Variants in DHX38 observed in about 807,000 individuals in gnomAD.
DHX38 encodes DEAH-box helicase 38, also known as pre-mRNA-splicing factor ATP-dependent RNA helicase PRP16.
A neutral mutation model predicts 153.1 loss-of-function variants in DHX38; 100 were observed. The observed-to-expected ratio is 0.65, with a 90% CI of 0.56 to 0.77. DHX38 has a LOEUF of 0.77. Among genes scored for constraint, DHX38 ranks in the 30% least tolerant of loss-of-function variants. The pLI is 0.00. For missense variants in DHX38, 1,440 were observed against 1,654.0 expected (o/e 0.87, Z 2.24); for synonymous variants, 650 against 631.7 (o/e 1.03, Z -0.43).
In DHX38 at chr16:72,105,383, G is replaced by A. The variant is rs540261725; in HGVS notation, c.2379+35G>A. On this transcript the variant is annotated intron_variant, in intron 17 of 26. Transcript: ENST00000268482. ...CAGGAATGTCCAGGAGTGGCTCTTG[G>A]AGTTCTCTAAAGGAAGCGAGAGGGG... 8.1e-6 allele frequency: 13 copies of A among 1,611,004 alleles called. No homozygotes were observed. In the South Asian group the frequency reaches 1.3e-4, roughly 16 times the overall value.
At position 72,098,731 on chromosome 16, in the gene DHX38, C is replaced by T; in HGVS notation, c.703C>T (p.Pro235Ser). ...SRRSQWESPSPTPSYRDSERS... is the reference protein window; with the variant it reads ...SRRSQWESPSSTPSYRDSERS... ...GCGCTCACAGTGGGAATCGCCCTCC[C>T]CGACGCCTTCCTATCGGGATTCTGA... Residue 235 changes from proline to serine, a missense_variant, in exon 5 of 27, where the codon CCG becomes TCG. Transcript: ENST00000268482. 1 of 1,614,184 alleles carries T rather than the reference C, an allele frequency of 6.2e-7. No homozygotes were observed. Among genetic ancestry groups the T allele is most frequent in the Non-Finnish European group, 8.5e-7 (1 of 1,180,034 alleles).
chr16:72,112,464 C>T lies in DHX38; in HGVS notation c.3651C>T (p.Thr1217=). The T allele has an allele frequency of 1.2e-6, 2 of 1,612,108 alleles. No homozygotes were observed. Among genetic ancestry groups the T allele is most frequent in the East Asian group, 2.2e-5 (1 of 44,876 alleles). The change falls in exon 27 of 27, where the codon ACC becomes ACT. Residue 1217 remains threonine (T), a synonymous_variant. Coordinates refer to ENST00000268482, the MANE Select transcript of DHX38 (RefSeq NM_014003.4). ...PGRKEQGEPM[T]PRRTPARFGL ...GGAAAGAGCAAGGGGAGCCCATGAC[C>T]CCTCGCCGCACGCCAGCCCGCTTTG...
chr16:72,106,165 T>A, intron 19 of DHX38, 48 bp downstream of exon 19: 1 of 1,585,272 alleles, frequency 6.3e-7, no homozygotes, highest in Non-Finnish European at 8.6e-7. Flanking sequence ...CTGGGGTTGC[T>A]GAGCGTGGAG....
At chr16:72,102,351 G>A (rs2042112982) in intron 11 of DHX38, among the ~76,000 whole-genome samples, 1 of 152,166 alleles carries the variant, frequency 6.6e-6, no homozygotes, top group Admixed American at 6.5e-5. Context: ...TTAGAAATAG[G>A]AAGCTCAGCA....
chr16:72,111,649 C>A (rs1271900228), intron 26 of DHX38, among the ~76,000 whole-genome samples: 5 of 152,202 alleles, frequency 3.3e-5, no homozygotes, highest in African/African-American at 1.2e-4. Flanking sequence ...ATGCATAGAG[C>A]AAGGTCTGGG....
intron 2 of DHX38, 70 bp downstream of exon 2, chr16:72,096,550 T>C: frequency 6.7e-7 from 1 of 1,483,662 alleles, no homozygotes; most frequent in Non-Finnish European, 8.9e-7. Context: ...CTCATGTTTA[T>C]CTCTCAGTTT....
chr16:72,098,829 TG>T (rs763219447), intron 5 of DHX38, 37 bp downstream of exon 5: 4 of 1,612,780 alleles, frequency 2.5e-6, no homozygotes, highest in Non-Finnish European at 3.4e-6. Context: ...TTTCGCTGGG[TG>T]GGCGGTAAGG....
At position 72,104,328 on chromosome 16, in the gene DHX38, C is replaced by G. The variant is rs2042142616; in HGVS notation, c.2011-158C>G. 2 of 1,214,522 alleles carry G rather than the reference C, an allele frequency of 1.6e-6. No individual in the cohort carries two copies. Among genetic ancestry groups the G allele is most frequent in the Non-Finnish European group, 2.2e-6 (2 of 889,378 alleles). The allele number at this position is 1,214,522 out of a possible 1,614,324, so 75.2% of individuals were successfully genotyped here. ...TGAGGGTGGCTTGGGGTTTTCTGGG[C>G]AGTGGCTCCATTGCTTCAGTCTTCA... On this transcript the variant is annotated intron_variant, in intron 14 of 26. Transcript: ENST00000268482. This position sits in a 1 kb window ranked among gnomAD's most constrained non-coding sequence, Gnocchi z 4.5.
At position 72,098,627 on chromosome 16, in the gene DHX38, G is replaced by A. The variant is rs1419347792; in HGVS notation, c.617-18G>A. 2 of 1,612,720 alleles carry A rather than the reference G, an allele frequency of 1.2e-6. No individual in the cohort carries two copies. Among genetic ancestry groups the A allele is most frequent in the Admixed American group, 3.3e-5 (2 of 59,956 alleles). The stretch of plus-strand genomic sequence containing the variant: ...GTTAAGTGAGATGTTTCCTGTGGAT[G>A]TGTCTTTTGTGGCCCAGATGCAGCC... On this transcript the variant is annotated intron_variant, in intron 4 of 26. Coordinates refer to ENST00000268482, the MANE Select transcript of DHX38 (RefSeq NM_014003.4).
At position 72,096,475 on chromosome 16, in the gene DHX38, A is replaced by T; in HGVS notation, c.318A>T (p.Lys106Asn). Reference protein sequence around the residue: ...GGDQAGQNIRKDRHYRSARVE... With the variant: ...GGDQAGQNIRNDRHYRSARVE... ...ACCAGGCTGGCCAAAATATCCGGAA[A>T]GACAGGTAAAGGCCTTAGTATGGGT... Residue 106 changes from lysine to asparagine, a missense_variant, in exon 2 of 27, where the codon AAA becomes AAT. Lys to Asn is a moderately conservative substitution (Grantham distance 94). Around this residue, in one of 6 missense-constraint regions of DHX38, gnomAD observed 483 missense variants for 465.1 expected, o/e 1.04. Coordinates refer to ENST00000268482, the MANE Select transcript of DHX38 (RefSeq NM_014003.4). The T allele has an allele frequency of 6.2e-7, 1 of 1,611,562 alleles. No individual in the cohort carries two copies. The highest frequency in any genetic ancestry group is 2.2e-5 in the East Asian group (1 of 44,868).
At chr16:72,108,131 A>G (rs1411030346) in intron 21 of DHX38, 96 bp from the exon 22 acceptor site, 11 of 1,372,940 alleles carry the variant, frequency 8.0e-6, no homozygotes, top group Admixed American at 2.1e-5. Flanking sequence ...TTGAAGTTCT[A>G]TGTGTGGGTA....
chr16:72,096,510 G>A (rs1207362057), intron 2 of DHX38, 30 bp downstream of exon 2: 1 of 1,568,834 alleles, frequency 6.4e-7, no homozygotes, highest in Non-Finnish European at 8.6e-7. Flanking sequence ...TTAGCCCAGA[G>A]GGAAGCGAAC....
chr16:72,105,320 C>A lies in DHX38; in HGVS notation c.2351C>A (p.Ser784Tyr). ...CTGCCCATCTACTCTCAGCTGCCTT[C>A]TGACCTCCAGGCCAAAATCTTCCAG... ...AVLPIYSQLP[S>Y]DLQAKIFQKA... is the part of the protein sequence containing the mutation. The change falls in exon 17 of 27, where the codon TCT becomes TAT. Residue 784 changes from serine (S) to tyrosine (Y), a missense_variant. By Grantham distance (144) the Ser-to-Tyr change is moderately radical. Coordinates refer to ENST00000268482, the MANE Select transcript of DHX38 (RefSeq NM_014003.4). 6.2e-7 allele frequency: 1 copy of A among 1,614,192 alleles called. No individual in the cohort carries two copies. Among genetic ancestry groups the A allele is most frequent in the Non-Finnish European group, 8.5e-7 (1 of 1,180,036 alleles).
Position 72,098,802 on chromosome 16 carries a change from T to G in DHX38, c.764+10T>G, listed in dbSNP as rs761891126. The G allele has an allele frequency of 3.1e-6, 5 of 1,613,756 alleles. No homozygotes were observed. The Admixed American group carries it at 8.3e-5, about 27-fold the overall frequency. On this transcript the variant is annotated intron_variant, in intron 5 of 26. Coordinates refer to ENST00000268482, the MANE Select transcript of DHX38 (RefSeq NM_014003.4). ...CTCGAGATCGAGACAGGTGATGTTC[T>G]GGGCAGAGCAGCCCAGTTTCGCTGG...
Position 72,108,332 on chromosome 16 carries a change from T to C in DHX38, c.3070T>C (p.Ser1024Pro). 6.2e-7 allele frequency: 1 copy of C among 1,614,154 alleles called. No homozygotes were observed. The highest frequency in any genetic ancestry group is 8.5e-7 in the Non-Finnish European group (1 of 1,180,038). ...VYLQWKNNNYSTIWCNDHFIH... is the reference protein window; with the variant it reads ...VYLQWKNNNYPTIWCNDHFIH... Reference sequence around the variant, plus strand: ...CCTGCAGTGGAAGAACAATAATTACTCCACCATCTGGTGTAACGATCATTT... The same window carrying C: ...CCTGCAGTGGAAGAACAATAATTACCCCACCATCTGGTGTAACGATCATTT... The change falls in exon 22 of 27, where the codon TCC becomes CCC. Residue 1024 changes from serine (S) to proline (P), a missense_variant. Ser to Pro is a moderately conservative substitution (Grantham distance 74, BLOSUM62 -1). Around this residue, in one of 6 missense-constraint regions of DHX38, gnomAD observed 543 missense variants for 717.9 expected, o/e 0.76. Transcript: ENST00000268482.
intron 7 of DHX38, 107 bp from the exon 8 acceptor site, chr16:72,099,625 C>G: frequency 6.9e-7 from 1 of 1,453,116 alleles, no homozygotes; most frequent in East Asian, 2.4e-5. Flanking sequence ...AAGGGTAGCT[C>G]CACTGCAGTA....
At chr16:72,099,170 G>A (rs1375922258) in intron 6 of DHX38, 34 bp from the exon 7 acceptor site, 8 of 1,599,660 alleles carry the variant, frequency 5.0e-6, no homozygotes, top group Non-Finnish European at 6.8e-6. Context: ...GACAGGCCAG[G>A]GCATGGACTG....
intron 1 of DHX38, among the ~76,000 whole-genome samples, chr16:72,095,018 C>T (rs1411747887): frequency 6.6e-6 from 1 of 152,166 alleles, no homozygotes; most frequent in East Asian, 1.9e-4. Context: ...ACTCTTGTTT[C>T]TGCATTAATA....
At chr16:72,105,762 A>C in intron 18 of DHX38, 138 bp downstream of exon 18, 1 of 846,780 alleles carries the variant, frequency 1.2e-6, no homozygotes, top group Non-Finnish European at 1.9e-6. Context: ...GGAGGCTCAC[A>C]TTGACTCACT....
Sources: gnomAD v4.1 joint callset for allele counts (sites outside exome capture counted in the v4.1 genomes callset) on GRCh38, gnomAD v4.1.1 for gene constraint, gnomAD v4.1.1 regional missense constraint, Gnocchi (gnomAD v3.1) non-coding constraint, MANE v1.5 for transcripts, NCBI Gene and HGNC (gene_info 2026-07-23, HGNC 2026-07-21) for gene names.